Variants in CRISPLD2 observed in about 807,000 individuals in gnomAD.
CRISPLD2 encodes the protein cysteine-rich secretory protein LCCL domain-containing 2.
In CRISPLD2, 47 loss-of-function variants were observed where a neutral mutation model predicts 71.1. The observed-to-expected ratio is 0.66, with a 90% CI of 0.52 to 0.84. The LOEUF is 0.84. Among genes scored for constraint, CRISPLD2 ranks in the 40% least tolerant of loss-of-function variants. The pLI, the probability that CRISPLD2 is intolerant of heterozygous loss-of-function variation, is 0.00. For synonymous variants in CRISPLD2, 317 were observed against 250.1 expected (o/e 1.27, Z -2.52); for missense variants, 830 against 651.1 (o/e 1.27, Z -2.99).
chr16:84,880,723 C>T (rs772399801), intron 13 of CRISPLD2, 139 bp downstream of exon 13: 13 of 543,068 alleles, frequency 2.4e-5, no homozygotes, highest in Non-Finnish European at 3.8e-5. Flanking sequence ...TAATTAATTT[C>T]GAGATGGAGT....
chr16:84,825,094 G>A (rs925817175), intron 1 of CRISPLD2, among the ~76,000 whole-genome samples: 6 of 152,098 alleles, frequency 3.9e-5, no homozygotes, highest in Admixed American at 3.3e-4. Flanking sequence ...GTGACGGAGC[G>A]AGATGCCATT....
chr16:84,870,133 GT>G lies in CRISPLD2; in HGVS notation c.914+1230del, dbSNP rs547808841. 4.6e-5 allele frequency among the ~76,000 whole-genome samples: 7 copies of G among 151,974 alleles called. No individual in the cohort carries two copies. The East Asian group carries it at 1.4e-3, about 29-fold the overall frequency. ...CTTTTACAAAAATAGTAGTCAGTGGGTTTTTTTTCTGACTTGAAAAGGCATC... is the reference window on the plus strand; with the variant it reads ...CTTTTACAAAAATAGTAGTCAGTGGGTTTTTTTCTGACTTGAAAAGGCATC... On this transcript the variant is annotated intron_variant, in intron 8 of 14. Coordinates refer to ENST00000262424, the MANE Select transcript of CRISPLD2 (RefSeq NM_031476.4).
chr16:84,827,045 C>T (rs563504898), intron 1 of CRISPLD2, among the ~76,000 whole-genome samples: 8 of 152,148 alleles, frequency 5.3e-5, no homozygotes, highest in African/African-American at 1.7e-4. Flanking sequence ...GTCTCTGTAC[C>T]GGCAGAGAGA....
At chr16:84,868,322 G>A (rs1235773363) in intron 7 of CRISPLD2, among the ~76,000 whole-genome samples, 3 of 152,040 alleles carry the variant, frequency 2.0e-5, no homozygotes, top group South Asian at 4.2e-4. Flanking sequence ...ACTATAACAC[G>A]ACTCCGAGAC....
intron 2 of CRISPLD2, among the ~76,000 whole-genome samples, chr16:84,844,804 G>C (rs1018233124): frequency 2.6e-5 from 4 of 152,190 alleles, no homozygotes; most frequent in Non-Finnish European, 1.5e-5. Context: ...TTGCAGGCCT[G>C]TGTGTCGCTG....
At chr16:84,886,727 G>A (rs1215344858) in intron 13 of CRISPLD2, among the ~76,000 whole-genome samples, 4 of 152,216 alleles carry the variant, frequency 2.6e-5, no homozygotes, top group Admixed American at 6.5e-5. Context: ...AGAAGCTGAG[G>A]TGGGAGGAGC....
intron 3 of CRISPLD2, among the ~76,000 whole-genome samples, chr16:84,846,647 G>A (rs965344834): frequency 6.6e-6 from 1 of 152,154 alleles, no homozygotes; most frequent in Non-Finnish European, 1.5e-5. Flanking sequence ...GGTCATTTCT[G>A]TCTGGTTCTG....
chr16:84,868,723 T>C, intron 7 of CRISPLD2, 128 bp from the exon 8 acceptor site: 1 of 765,818 alleles, frequency 1.3e-6, no homozygotes, highest in Non-Finnish European at 2.2e-6. Context: ...CCATCAGGCA[T>C]TGCCCTTGCT....
In CRISPLD2 at chr16:84,854,730, G is replaced by A; in HGVS notation, c.610G>A (p.Gly204Arg). Residue 204 changes from glycine (G) to arginine (R), a missense_variant and splice_region_variant, in exon 6 of 15, where the codon GGG becomes AGG. Coordinates refer to ENST00000262424, the MANE Select transcript of CRISPLD2 (RefSeq NM_031476.4). ...GGTTGTTTTTGGGTCTGTCCTCAGG[G>A]GGAACTGGATTGGAGAAGCCCCCTA... is the stretch of plus-strand genomic sequence containing the variant. Reference protein sequence around the residue: ...VYFVCNYSPKGNWIGEAPYKN... With the variant: ...VYFVCNYSPKRNWIGEAPYKN... 2 of 1,613,818 alleles carry A rather than the reference G, an allele frequency of 1.2e-6. No homozygotes were observed. The highest frequency in any genetic ancestry group is 1.7e-6 in the Non-Finnish European group (2 of 1,179,718).
chr16:84,839,771 C>T (rs1044663055), intron 2 of CRISPLD2: 1 of 152,274 alleles, frequency 6.6e-6, no homozygotes, highest in African/African-American at 2.4e-5. Flanking sequence ...CTATGAATGG[C>T]TTTTTAAACA....
chr16:84,837,432 T>TTTAGA (rs1916648388), intron 1 of CRISPLD2, among the ~76,000 whole-genome samples: 1 of 138,894 alleles, frequency 7.2e-6, no homozygotes, highest in African/African-American at 2.7e-5. Flanking sequence ...TTTTTTTTTT[T>TTTAGA]CTGAGACGGA....
At chr16:84,855,475 T>C (rs1429484524) in intron 6 of CRISPLD2, among the ~76,000 whole-genome samples, 1 of 152,196 alleles carries the variant, frequency 6.6e-6, no homozygotes, top group Non-Finnish European at 1.5e-5. Flanking sequence ...AGTCTCCACC[T>C]AAGTCAGTCT....
At chr16:84,842,035 T>G (rs1008449751) in intron 2 of CRISPLD2, 2 of 152,612 alleles carry the variant, frequency 1.3e-5, no homozygotes, top group Non-Finnish European at 2.9e-5. Flanking sequence ...AAAGAGCCGT[T>G]CCGGAGACCT....
At chr16:84,869,698 C>G (rs1220151836) in intron 8 of CRISPLD2, among the ~76,000 whole-genome samples, 1 of 152,224 alleles carries the variant, frequency 6.6e-6, no homozygotes, top group Non-Finnish European at 1.5e-5. Flanking sequence ...ATTTGCATGT[C>G]TCTGTGCTGG....
At chr16:84,833,620 G>A (rs1243024281) in intron 1 of CRISPLD2, among the ~76,000 whole-genome samples, 2 of 152,168 alleles carry the variant, frequency 1.3e-5, no homozygotes, top group African/African-American at 4.8e-5. Context: ...CTTCCAGGAC[G>A]CTAGGAGGGC....
chr16:84,870,626 A>T (rs1316828081), intron 8 of CRISPLD2, among the ~76,000 whole-genome samples: 2 of 151,820 alleles, frequency 1.3e-5, no homozygotes, highest in African/African-American at 4.8e-5. Context: ...CTGCTTATGT[A>T]TTTTCACTTA....
At chr16:84,832,214 G>T (rs1916505771) in intron 1 of CRISPLD2, among the ~76,000 whole-genome samples, 1 of 152,198 alleles carries the variant, frequency 6.6e-6, no homozygotes, top group East Asian at 1.9e-4. Flanking sequence ...GCACTGACTG[G>T]GGACTGAAGT....
chr16:84,832,976 G>C (rs988819828), intron 1 of CRISPLD2, among the ~76,000 whole-genome samples: 1 of 152,170 alleles, frequency 6.6e-6, no homozygotes, highest in Non-Finnish European at 1.5e-5. Flanking sequence ...AGGGTAGAGG[G>C]GTGCGGTTGG....
rs35870995 is a variant in CRISPLD2, at chr16:84,880,693, A to AAATTAATT, written c.1305+130_1305+137dup. On this transcript the variant is annotated intron_variant, in intron 13 of 14. Coordinates refer to ENST00000262424, the MANE Select transcript of CRISPLD2 (RefSeq NM_031476.4). The stretch of plus-strand genomic sequence containing the variant: ...AACTTTATTCCAGTGCCTCTTAGCT[A>AAATTAATT]AATTAATTAATTAATTAATTAATTA... 1.5e-3 allele frequency: 898 copies of AAATTAATT among 593,756 alleles called. 1 individual carries two copies. Among genetic ancestry groups the AAATTAATT allele is most frequent in the Middle Eastern group, 8.1e-3 (28 of 3,478 alleles). The allele number at this position is 593,756 out of a possible 1,614,324, so 36.8% of individuals were successfully genotyped here.
Sources: gnomAD v4.1 joint callset for allele counts (sites outside exome capture counted in the v4.1 genomes callset) on GRCh38, gnomAD v4.1.1 for gene constraint, MANE v1.5 for transcripts, NCBI Gene and HGNC (gene_info 2026-07-23, HGNC 2026-07-21) for gene names.